The following CSMD1 variants were observed in gnomAD, a reference collection of about 807,000 sequenced individuals.
The protein encoded by CSMD1 is CUB and sushi domain-containing protein 1.
A neutral mutation model predicts 417.5 loss-of-function variants in CSMD1; 213 were observed. The ratio of observed to expected loss-of-function variants is 0.51; its 90% CI spans 0.46 to 0.57. The LOEUF (loss-of-function observed/expected upper bound fraction) is 0.57, where lower values mean the gene tolerates loss of function less well. Ranked by LOEUF, CSMD1 falls within the 20% of genes least tolerant of loss-of-function variation. CSMD1 has a pLI of 0.00. For missense variants in CSMD1, 6,923 were observed against 4,529.7 expected (o/e 1.53, Z -15.17); for synonymous variants, 2,862 against 1,736.8 (o/e 1.65, Z -16.11).
In CSMD1 at chr8:4,311,941, C is replaced by CTTA. The variant is rs888309682; in HGVS notation, c.415+108011_415+108012insTAA. ...TATTTACCTGTGTAACAAACCTTCACTTGTATCCCTAAACCTGAAACTTAG... is the reference window on the plus strand; with the variant it reads ...TATTTACCTGTGTAACAAACCTTCACTTATTGTATCCCTAAACCTGAAACTTAG... On this transcript the variant is annotated intron_variant, in intron 3 of 69. Coordinates refer to ENST00000635120, the MANE Select transcript of CSMD1 (RefSeq NM_033225.6). 5.8e-4 allele frequency among the ~76,000 whole-genome samples: 88 copies of CTTA among 152,088 alleles called. 2 individuals are homozygous for CTTA. Among genetic ancestry groups the CTTA allele is most frequent in the African/African-American group, 2.0e-3 (83 of 41,496 alleles).
chr8:3,918,850 G>T (rs1249456521), intron 5 of CSMD1, among the ~76,000 whole-genome samples: 1 of 152,042 alleles, frequency 6.6e-6, no homozygotes, highest in African/African-American at 2.4e-5. Flanking sequence ...TAATTAGAAT[G>T]ACACAATGGA....
intron 3 of CSMD1, among the ~76,000 whole-genome samples, chr8:4,084,604 G>T (rs777242354): frequency 5.9e-5 from 9 of 152,128 alleles, no homozygotes; most frequent in Non-Finnish European, 1.3e-4. Flanking sequence ...GAGAGAAAAT[G>T]AAAGCGAGCC....
At chr8:3,363,242 T>G (rs1256338307) in intron 20 of CSMD1, among the ~76,000 whole-genome samples, 1 of 152,124 alleles carries the variant, frequency 6.6e-6, no homozygotes, top group Non-Finnish European at 1.5e-5. Context: ...ATGAGCGTAC[T>G]CTCCTCTGTC....
At chr8:3,739,434 T>C (rs7813738) in intron 6 of CSMD1, among the ~76,000 whole-genome samples, 12,987 of 152,278 alleles carry the variant, frequency 0.085, 577 homozygotes, top group Middle Eastern at 0.11. Flanking sequence ...AAATAATAAA[T>C]GTTTGAAGTG....
At chr8:3,615,638 A>C (rs1163790794) in intron 8 of CSMD1, among the ~76,000 whole-genome samples, 1 of 152,176 alleles carries the variant, frequency 6.6e-6, no homozygotes, top group Non-Finnish European at 1.5e-5. Context: ...TATTGCTTTT[A>C]AAACGACCGT....
At chr8:4,136,971 A>G (rs938786164) in intron 3 of CSMD1, among the ~76,000 whole-genome samples, 2 of 152,242 alleles carry the variant, frequency 1.3e-5, no homozygotes, top group African/African-American at 4.8e-5. Flanking sequence ...GCCTATATCA[A>G]TGAAACAAAT....
intron 1 of CSMD1, among the ~76,000 whole-genome samples, chr8:4,695,873 T>C (rs1477476742): frequency 2.0e-5 from 3 of 152,220 alleles, no homozygotes; most frequent in Non-Finnish European, 2.9e-5. Flanking sequence ...CACCACTCTT[T>C]TGAACATGAG....
At chr8:3,948,176 G>C (rs1811363754) in intron 5 of CSMD1, among the ~76,000 whole-genome samples, 1 of 152,112 alleles carries the variant, frequency 6.6e-6, no homozygotes, top group Non-Finnish European at 1.5e-5. Context: ...CTACACTGCA[G>C]CCTGGCAACA....
chr8:4,519,932 T>C (rs374611716), intron 2 of CSMD1, among the ~76,000 whole-genome samples: 393 of 55,174 alleles, frequency 7.1e-3, no homozygotes, highest in Middle Eastern at 0.022. Flanking sequence ...TGTGTGTGTG[T>C]GTGCGTGTGT....
intron 69 of CSMD1, among the ~76,000 whole-genome samples, chr8:2,940,197 T>C (rs2670075): frequency 0.37 from 55,796 of 152,040 alleles, 12,068 homozygotes; most frequent in East Asian, 0.63. Flanking sequence ...TGGTGAGAAC[T>C]TGAAGAAAAT....
At chr8:4,778,300 G>T (rs1292250249) in intron 1 of CSMD1, among the ~76,000 whole-genome samples, 1 of 152,020 alleles carries the variant, frequency 6.6e-6, no homozygotes, top group East Asian at 1.9e-4. Flanking sequence ...CAAATAAAAA[G>T]GTCAGAGCTA....
At chr8:3,729,480 G>A (rs558294350) in intron 6 of CSMD1, among the ~76,000 whole-genome samples, 35 of 152,274 alleles carry the variant, frequency 2.3e-4, no homozygotes, top group African/African-American at 7.9e-4. Context: ...CTTGAACATA[G>A]AGGCAATATG....
At chr8:4,868,253 A>C (rs1007574479) in intron 1 of CSMD1, among the ~76,000 whole-genome samples, 1 of 152,102 alleles carries the variant, frequency 6.6e-6, no homozygotes, top group Non-Finnish European at 1.5e-5. Context: ...CTTTCCTTTA[A>C]GACAGAGTTT....
In CSMD1 at chr8:3,127,506, G is replaced by T. The variant is rs541377421; in HGVS notation, c.6242-8919C>A. The stretch of plus-strand genomic sequence containing the variant: ...GTGCCTGGAGGTGGCTTAATTGCTT[G>T]TTCTTCTAAAGGGGAAAAATTGGTA... On this transcript the variant is annotated intron_variant, in intron 41 of 69. Transcript: ENST00000635120. 6 of 152,244 alleles carry T rather than the reference G, an allele frequency of 3.9e-5. No homozygotes were observed. In the South Asian group the frequency reaches 1.2e-3, roughly 32 times the overall value. 9.4% of individuals were successfully genotyped at this position (152,244 alleles called of 1,614,324 possible). A position where few individuals can be genotyped will look rare whatever the true frequency, so the allele number is the denominator to read the frequency against.
intron 2 of CSMD1, among the ~76,000 whole-genome samples, chr8:4,567,304 A>G (rs536239511): frequency 1.4e-4 from 22 of 152,330 alleles, no homozygotes; most frequent in African/African-American, 5.3e-4. Context: ...GTAAAACCCA[A>G]TAATGTTTAT....
At chr8:4,107,895 A>C (rs1461836633) in intron 3 of CSMD1, among the ~76,000 whole-genome samples, 2 of 152,234 alleles carry the variant, frequency 1.3e-5, no homozygotes, top group African/African-American at 2.4e-5. Flanking sequence ...ATCTTCCTAA[A>C]TACAAACTGA....
chr8:3,387,373 AG>A (rs1330678977), intron 18 of CSMD1, 120 bp downstream of exon 18: 2 of 721,782 alleles, frequency 2.8e-6, no homozygotes, highest in Non-Finnish European at 4.5e-6. Flanking sequence ...AACTTCTCAG[AG>A]GGAACTCACG....
At chr8:4,000,027 A>C (rs971479041) in intron 4 of CSMD1, among the ~76,000 whole-genome samples, 1 of 152,230 alleles carries the variant, frequency 6.6e-6, no homozygotes, top group Non-Finnish European at 1.5e-5. Context: ...ACACGAATAA[A>C]AATAACTGTG....
chr8:4,042,814 T>TAAAAAAAAAAAAAAA (rs1563355345), intron 3 of CSMD1, among the ~76,000 whole-genome samples: 4 of 21,044 alleles, frequency 1.9e-4, no homozygotes, highest in African/African-American at 1.0e-3. Context: ...GTACAACATA[T>TAAAAAAAAAAAAAAA]TAAAAAAAAA....
Sources: allele counts gnomAD v4.1 joint callset (sites outside exome capture counted in the v4.1 genomes callset), GRCh38; gene constraint gnomAD v4.1.1; transcripts MANE v1.5; gene names NCBI Gene and HGNC (gene_info 2026-07-23, HGNC 2026-07-21).